MINPP1: variants seen among roughly 807,000 people sequenced by gnomAD.
The protein encoded by MINPP1 is multiple inositol polyphosphate phosphatase 1.
In MINPP1, 28 loss-of-function variants were observed where a neutral mutation model predicts 46.1. The ratio of observed to expected loss-of-function variants is 0.61; its 90% CI spans 0.45 to 0.83. The LOEUF (loss-of-function observed/expected upper bound fraction) is 0.83, where lower values mean the gene tolerates loss of function less well. MINPP1 is among the 40% of genes least tolerant of loss of function. The probability of loss-of-function intolerance (pLI) is 0.00; values close to 1 mark genes in which losing one functional copy is unlikely to be tolerated. For missense variants in MINPP1, 603 were observed against 610.0 expected, an observed-to-expected ratio of 0.99 and a Z score of 0.12; for synonymous variants, 268 against 249.1, an observed-to-expected ratio of 1.08 and a Z score of -0.72.
At chr10:87,525,824 C>A (rs932564282) in intron 4 of MINPP1, among the ~76,000 whole-genome samples, 1 of 152,160 alleles carries the variant, frequency 6.6e-6, no homozygotes, top group Non-Finnish European at 1.5e-5. Flanking sequence ...TCTGTCCTTG[C>A]GATAGTTTGC....
rs368452896 is a variant in MINPP1, at chr10:87,552,573, A to G, written c.*95A>G. Reference sequence around the variant, plus strand: ...AATTCCTTGATTACAGGAAGCTTTTATATTACTTGAGTATTTCTGTCTTTT... The same window carrying G: ...AATTCCTTGATTACAGGAAGCTTTTGTATTACTTGAGTATTTCTGTCTTTT... On this transcript the variant is annotated 3_prime_UTR_variant, in exon 5 of 5. Transcript: ENST00000371996. 3,506 of 1,226,106 alleles carry G rather than the reference A, an allele frequency of 2.9e-3. 87 individuals carry two copies. The South Asian group carries it at 0.042, about 15-fold the overall frequency. 76.0% of individuals were successfully genotyped at this position (1,226,106 alleles called of 1,614,324 possible).
intron 4 of MINPP1, among the ~76,000 whole-genome samples, chr10:87,546,238 T>TA (rs988770817): frequency 3.3e-5 from 5 of 152,152 alleles, no homozygotes; most frequent in Admixed American, 2.6e-4. Flanking sequence ...GACCAAGAGT[T>TA]CCTTCCCTTT....
Position 87,552,198 on chromosome 10 carries a change from A to G in MINPP1, c.1184A>G (p.Tyr395Cys). Residue 395 changes from tyrosine to cysteine, a missense_variant, in exon 5 of 5, where the codon TAC (tyrosine) becomes TGC (cysteine). By Grantham distance (194) the Tyr-to-Cys change is radical (BLOSUM62 -2). This residue lies in a region of MINPP1 where 344 missense variants were observed against 381.1 expected (regional missense o/e 0.90). Coordinates refer to ENST00000371996, the MANE Select transcript of MINPP1 (RefSeq NM_004897.5). Reference protein sequence around the residue: ...KDKEPLTAYNYKKQMHRKFRS... With the variant: ...KDKEPLTAYNCKKQMHRKFRS... ...AAGGAACCCCTAACAGCGTACAATT[A>G]CAAAAAACAAATGCATCGGAAGTTC... The G allele has an allele frequency of 3.1e-6, 5 of 1,613,844 alleles. 1 individual carries two copies. The South Asian group carries it at 3.3e-5, about 11-fold the overall frequency.
chr10:87,527,042 T>G (rs1337833330), intron 4 of MINPP1, among the ~76,000 whole-genome samples: 2 of 152,176 alleles, frequency 1.3e-5, no homozygotes, highest in Non-Finnish European at 2.9e-5. Context: ...CTTTTTTGGT[T>G]CCATGCGAAC....
chr10:87,507,979 T>C, intron 1 of MINPP1: 2 of 1,378,710 alleles, frequency 1.5e-6, no homozygotes, highest in Non-Finnish European at 1.9e-6. Flanking sequence ...TTGAATTCTC[T>C]CTCACCTTGT....
At chr10:87,529,903 C>A (rs1851632765) in intron 4 of MINPP1, among the ~76,000 whole-genome samples, 1 of 152,164 alleles carries the variant, frequency 6.6e-6, no homozygotes, top group African/African-American at 2.4e-5. Flanking sequence ...TTGTTCATTT[C>A]TTTTTGTTCT....
chr10:87,537,315 C>A (rs369582714), intron 4 of MINPP1, among the ~76,000 whole-genome samples: 1 of 152,158 alleles, frequency 6.6e-6, no homozygotes, highest in Non-Finnish European at 1.5e-5. Flanking sequence ...ATCCTGCCAA[C>A]GCTTCATATG....
At chr10:87,522,113 T>C (rs968721878) in intron 4 of MINPP1, among the ~76,000 whole-genome samples, 2 of 152,196 alleles carry the variant, frequency 1.3e-5, no homozygotes, top group African/African-American at 4.8e-5. Flanking sequence ...ATGGTAGTTA[T>C]GCTTCAGTAA....
chr10:87,543,088 C>T (rs1851839190), intron 4 of MINPP1, among the ~76,000 whole-genome samples: 1 of 152,174 alleles, frequency 6.6e-6, no homozygotes, highest in East Asian at 1.9e-4. Flanking sequence ...GCAAATGTTA[C>T]CCCTGTCACA....
At chr10:87,530,017 G>T (rs1851634670) in intron 4 of MINPP1, among the ~76,000 whole-genome samples, 1 of 152,108 alleles carries the variant, frequency 6.6e-6, no homozygotes, top group Non-Finnish European at 1.5e-5. Flanking sequence ...GCTTGTGCAT[G>T]CATCACTTAG....
In MINPP1 at chr10:87,539,233, A is replaced by G. The variant is rs567296193; in HGVS notation, c.1068-12849A>G. Reference sequence around the variant, plus strand: ...ATATAGATTACTCATTTGCTTTCATATATTTGTATTAATAGTTTACATTTT... The same window carrying G: ...ATATAGATTACTCATTTGCTTTCATGTATTTGTATTAATAGTTTACATTTT... On this transcript the variant is annotated intron_variant, in intron 4 of 4. Coordinates refer to ENST00000371996, the MANE Select transcript of MINPP1 (RefSeq NM_004897.5). Among the ~76,000 whole-genome samples the G allele has an allele frequency of 1.4e-3, 215 of 152,296 alleles. 2 individuals are homozygous for G. Among genetic ancestry groups the G allele is most frequent in the African/African-American group, 5.1e-3 (210 of 41,560 alleles).
In MINPP1 at chr10:87,516,505, C is replaced by T. The variant is rs1483014605; in HGVS notation, c.933+3284C>T. On this transcript the variant is annotated intron_variant, in intron 3 of 4. Coordinates refer to ENST00000371996, the MANE Select transcript of MINPP1 (RefSeq NM_004897.5). Reference sequence around the variant, plus strand: ...CATAGCCTCGTTGTAAGTCAAGGAGCGCACTGAAAGTGTATTGCTTTTGAA... The same window carrying T: ...CATAGCCTCGTTGTAAGTCAAGGAGTGCACTGAAAGTGTATTGCTTTTGAA... 2.9e-5 allele frequency among the ~76,000 whole-genome samples: 3 copies of T among 104,516 alleles called. 1 individual carries two copies. Among genetic ancestry groups the T allele is most frequent in the Admixed American group, 2.7e-4 (3 of 11,132 alleles). 68.6% of individuals were successfully genotyped at this position (104,516 alleles called of 152,430 possible). A position where few individuals can be genotyped will look rare whatever the true frequency, so the allele number is the denominator to read the frequency against.
chr10:87,533,253 A>G (rs1456522411), intron 4 of MINPP1, among the ~76,000 whole-genome samples: 1 of 151,896 alleles, frequency 6.6e-6, no homozygotes, highest in East Asian at 1.9e-4. Flanking sequence ...GCATGGTTTT[A>G]CTTCATGGAA....
At position 87,504,947 on chromosome 10, in the gene MINPP1, C is replaced by G. The variant is rs755119877; in HGVS notation, c.32C>G (p.Thr11Ser). 6.2e-7 allele frequency: 1 copy of G among 1,611,662 alleles called. No homozygotes were observed. The highest frequency in any genetic ancestry group is 1.1e-5 in the South Asian group (1 of 90,886). MLRAPGCLLR[T>S]SVAPAAALAA... ...CGCGCGCCCGGCTGCCTCCTCCGGA[C>G]CTCCGTAGCGCCTGCCGCGGCCCTG... The change falls in exon 1 of 5, where the codon ACC (threonine) becomes AGC (serine). Residue 11 changes from threonine (T) to serine (S), a missense_variant. Thr to Ser is a moderately conservative substitution (Grantham distance 58, BLOSUM62 1). Around this residue, in one of 3 missense-constraint regions of MINPP1, gnomAD observed 239 missense variants for 189.4 expected, o/e 1.26. Coordinates refer to ENST00000371996, the MANE Select transcript of MINPP1 (RefSeq NM_004897.5).
Position 87,505,633 on chromosome 10 carries a change from C to A in MINPP1, c.637+81C>A. ...TCTCCCGCCTCCCCCAGACCCTGGG[C>A]TTTTCCGATGCCCCCCAGTTCTCTT... is the stretch of plus-strand genomic sequence containing the variant. On this transcript the variant is annotated intron_variant, in intron 1 of 4. Transcript: ENST00000371996. The surrounding 1 kb of genome is among the most constrained non-coding windows in gnomAD (Gnocchi z 4.4). The A allele has an allele frequency of 1.5e-6, 2 of 1,305,382 alleles. No individual in the cohort carries two copies. The highest frequency in any genetic ancestry group is 1.1e-6 in the Non-Finnish European group (1 of 951,590). The allele number at this position is 1,305,382 out of a possible 1,614,324, so 80.9% of individuals were successfully genotyped here.
In MINPP1 at chr10:87,529,564, A is replaced by C. The variant is rs189888982; in HGVS notation, c.1067+8395A>C. On this transcript the variant is annotated intron_variant, in intron 4 of 4. Coordinates refer to ENST00000371996, the MANE Select transcript of MINPP1 (RefSeq NM_004897.5). ...TCTTCTGGCTTGTAGAGTTTCTGCCAAGAGATCCACTGTTAGTCTGATGGG... is the reference window on the plus strand; with the variant it reads ...TCTTCTGGCTTGTAGAGTTTCTGCCCAGAGATCCACTGTTAGTCTGATGGG... 7.0e-3 allele frequency among the ~76,000 whole-genome samples: 1,065 copies of C among 152,342 alleles called. 14 individuals carry two copies. Among genetic ancestry groups the C allele is most frequent in the African/African-American group, 0.025 (1,020 of 41,580 alleles).
intron 4 of MINPP1, among the ~76,000 whole-genome samples, chr10:87,549,512 G>A (rs1417016809): frequency 6.6e-6 from 1 of 152,216 alleles, no homozygotes; most frequent in African/African-American, 2.4e-5. Flanking sequence ...TGGTCTGAGC[G>A]AAGCTGTCCA....
chr10:87,523,601 G>A (rs927139701), intron 4 of MINPP1, among the ~76,000 whole-genome samples: 2 of 150,634 alleles, frequency 1.3e-5, no homozygotes, highest in African/African-American at 4.9e-5. Context: ...CCTTGGATCC[G>A]CCTGCCTCGG....
chr10:87,505,275 T>C lies in MINPP1; in HGVS notation c.360T>C (p.Ser120=). The change falls in exon 1 of 5, where the codon AGT becomes AGC. Residue 120 remains serine (S), a synonymous_variant. Transcript: ENST00000371996. The surrounding 1 kb of genome is among the most constrained non-coding windows in gnomAD (Gnocchi z 4.4). ...GCGGGTCCAGGGATGGCGGGGCTAGTAGTACCGGCAGCCGCGACCTGGGTG... is the reference window on the plus strand; with the variant it reads ...GCGGGTCCAGGGATGGCGGGGCTAGCAGTACCGGCAGCCGCGACCTGGGTG... ...QARGSRDGGA[S]STGSRDLGAA... is the part of the protein sequence containing the mutation. The C allele has an allele frequency of 6.2e-7, 1 of 1,611,144 alleles. No homozygotes were observed. The highest frequency in any genetic ancestry group is 8.5e-7 in the Non-Finnish European group (1 of 1,178,028).
Sources: gnomAD v4.1 joint callset for allele counts (sites outside exome capture counted in the v4.1 genomes callset) on GRCh38, gnomAD v4.1.1 for gene constraint, gnomAD v4.1.1 regional missense constraint, Gnocchi (gnomAD v3.1) non-coding constraint, MANE v1.5 for transcripts, NCBI Gene and HGNC (gene_info 2026-07-23, HGNC 2026-07-21) for gene names.